The following ZNF804B variants were observed in gnomAD, a reference collection of about 807,000 sequenced individuals.
The protein encoded by ZNF804B is zinc finger 804B.
A neutral mutation model predicts 101.4 loss-of-function variants in ZNF804B; 80 were observed. The observed-to-expected ratio is 0.79, with a 90% CI of 0.66 to 0.95. The LOEUF is 0.95. ZNF804B is among the 40% of genes least tolerant of loss of function. ZNF804B has a pLI of 0.00. For synonymous variants in ZNF804B, 622 were observed against 558.8 expected (o/e 1.11, Z -1.59); for missense variants, 1,673 against 1,561.9 (o/e 1.07, Z -1.20).
At chr7:89,033,515 T>G (rs1025969429) in intron 1 of ZNF804B, among the ~76,000 whole-genome samples, 2 of 152,166 alleles carry the variant, frequency 1.3e-5, no homozygotes, top group African/African-American at 4.8e-5. Flanking sequence ...ATTCTATTTT[T>G]AGTATTTTGT....
intron 2 of ZNF804B, among the ~76,000 whole-genome samples, chr7:89,298,490 G>A (rs1790427406): frequency 6.7e-6 from 1 of 150,022 alleles, no homozygotes; most frequent in Non-Finnish European, 1.5e-5. Flanking sequence ...CTCAAAAGTG[G>A]GATTACGTAG....
chr7:89,164,752 T>C lies in ZNF804B; in HGVS notation c.109-53403T>C, dbSNP rs539059183. Among the ~76,000 whole-genome samples, 18 of 152,170 alleles carry C rather than the reference T, an allele frequency of 1.2e-4. 1 individual carries two copies. The highest frequency in any genetic ancestry group is 8.3e-4 in the South Asian group (4 of 4,834). ...TCATGTTGTAATCATATAATTTGGA[T>C]GTATTAGATACACAGCATAACATTA... On this transcript the variant is annotated intron_variant, in intron 1 of 3. Transcript: ENST00000333190.
intron 1 of ZNF804B, among the ~76,000 whole-genome samples, chr7:89,132,245 C>T (rs950136306): frequency 1.3e-5 from 2 of 151,162 alleles, no homozygotes; most frequent in East Asian, 3.9e-4. Context: ...TTATAGAACA[C>T]AAGACTATAG....
chr7:89,106,000 C>T (rs1306322126), intron 1 of ZNF804B, among the ~76,000 whole-genome samples: 1 of 152,144 alleles, frequency 6.6e-6, no homozygotes, highest in Non-Finnish European at 1.5e-5. Flanking sequence ...AGTCATGGAG[C>T]TTCCATGCTT....
chr7:88,827,784 G>A (rs375173293), intron 1 of ZNF804B, among the ~76,000 whole-genome samples: 5 of 152,138 alleles, frequency 3.3e-5, no homozygotes, highest in Admixed American at 6.5e-5. Flanking sequence ...TGCCAGAAGC[G>A]TAGGACCATT....
chr7:89,079,890 A>G (rs944931739), intron 1 of ZNF804B, among the ~76,000 whole-genome samples: 3 of 152,018 alleles, frequency 2.0e-5, no homozygotes, highest in African/African-American at 7.2e-5. Flanking sequence ...TGGCCAGTAC[A>G]CTATGAAGAG....
chr7:89,190,594 A>G (rs1788441564), intron 1 of ZNF804B, among the ~76,000 whole-genome samples: 1 of 152,136 alleles, frequency 6.6e-6, no homozygotes, highest in African/African-American at 2.4e-5. Context: ...GAGAGGTTTC[A>G]CTCCAAATTC....
chr7:89,236,343 A>C (rs925806458), intron 2 of ZNF804B, among the ~76,000 whole-genome samples: 1 of 152,152 alleles, frequency 6.6e-6, no homozygotes, highest in Admixed American at 6.5e-5. Context: ...GAGAGCATGT[A>C]AGATAAGTAT....
At chr7:88,950,080 T>C (rs756816918) in intron 1 of ZNF804B, among the ~76,000 whole-genome samples, 8 of 151,928 alleles carry the variant, frequency 5.3e-5, no homozygotes, top group Non-Finnish European at 1.0e-4. Context: ...TAAACTCTCC[T>C]GTTAGACCTG....
chr7:89,063,784 G>A (rs1200549359), intron 1 of ZNF804B, among the ~76,000 whole-genome samples: 2 of 152,100 alleles, frequency 1.3e-5, no homozygotes, highest in African/African-American at 2.4e-5. Flanking sequence ...CAGTAAACAC[G>A]TACTAAGTAT....
intron 1 of ZNF804B, among the ~76,000 whole-genome samples, chr7:89,061,836 C>T (rs532211338): frequency 5.3e-5 from 8 of 152,172 alleles, no homozygotes; most frequent in Admixed American, 2.6e-4. Flanking sequence ...TCACAAACAA[C>T]GAAACTTAGT....
intron 2 of ZNF804B, among the ~76,000 whole-genome samples, chr7:89,223,311 C>A (rs1186357007): frequency 1.3e-5 from 2 of 151,874 alleles, no homozygotes; most frequent in East Asian, 3.8e-4. Flanking sequence ...CATCTTAGAT[C>A]TGATAACGAA....
chr7:89,028,634 T>G (rs959971942), intron 1 of ZNF804B, among the ~76,000 whole-genome samples: 1 of 152,156 alleles, frequency 6.6e-6, no homozygotes, highest in African/African-American at 2.4e-5. Context: ...GAGCAGGGCA[T>G]GCCATACAGT....
chr7:89,268,119 A>T (rs531768827), intron 2 of ZNF804B, among the ~76,000 whole-genome samples: 56 of 152,232 alleles, frequency 3.7e-4, no homozygotes, highest in African/African-American at 1.2e-3. Flanking sequence ...GTTTATTAAA[A>T]ACAGCATTCT....
intron 2 of ZNF804B, among the ~76,000 whole-genome samples, chr7:89,298,645 C>T: frequency 6.6e-6 from 1 of 151,756 alleles, no homozygotes; most frequent in East Asian, 1.9e-4. Flanking sequence ...TAACTTATTC[C>T]TGTGTTGACA....
At chr7:89,190,794 G>C (rs1418690604) in intron 1 of ZNF804B, among the ~76,000 whole-genome samples, 1 of 152,090 alleles carries the variant, frequency 6.6e-6, no homozygotes, top group African/African-American at 2.4e-5. Context: ...ATCAAGGCAA[G>C]AAGACCCTCC....
chr7:88,947,953 T>C (rs1010390111), intron 1 of ZNF804B, among the ~76,000 whole-genome samples: 1 of 152,000 alleles, frequency 6.6e-6, no homozygotes, highest in Non-Finnish European at 1.5e-5. Flanking sequence ...TTTATCTCTT[T>C]GTAAATTGTG....
intron 2 of ZNF804B, among the ~76,000 whole-genome samples, chr7:89,283,985 G>A (rs987283689): frequency 4.6e-5 from 7 of 152,022 alleles, no homozygotes; most frequent in Non-Finnish European, 1.0e-4. Context: ...GGAGATACTT[G>A]TCTATTTTAT....
At position 89,041,290 on chromosome 7, in the gene ZNF804B, G is replaced by A. The variant is rs76306639; in HGVS notation, c.109-176865G>A. Among the ~76,000 whole-genome samples the A allele has an allele frequency of 5.1e-3, 782 of 152,278 alleles. 6 individuals are homozygous for A. The highest frequency in any genetic ancestry group is 0.017 in the Middle Eastern group (5 of 294). Reference sequence around the variant, plus strand: ...ACTGCAGTTTACTAGAGTGGGCCTGGAGTCTGGGTCTGCCCTGGTAGGCCT... The same window carrying A: ...ACTGCAGTTTACTAGAGTGGGCCTGAAGTCTGGGTCTGCCCTGGTAGGCCT... On this transcript the variant is annotated intron_variant, in intron 1 of 3. Transcript: ENST00000333190.
Sources: gnomAD v4.1 joint callset for allele counts (sites outside exome capture counted in the v4.1 genomes callset) on GRCh38, gnomAD v4.1.1 for gene constraint, MANE v1.5 for transcripts, NCBI Gene and HGNC (gene_info 2026-07-23, HGNC 2026-07-21) for gene names.